Variants in SPIN1 observed in about 807,000 individuals in gnomAD.
SPIN1 encodes spindlin 1, also known as spindlin-1.
In SPIN1, 3 loss-of-function variants were observed where a neutral mutation model predicts 26.0. That is an observed-to-expected ratio of 0.12 (90% CI 0.05 to 0.30). The LOEUF is 0.30. Ranked by LOEUF, SPIN1 falls within the 10% of genes least tolerant of loss-of-function variation. The probability of loss-of-function intolerance (pLI) is 1.00; values close to 1 mark genes in which losing one functional copy is unlikely to be tolerated. For missense variants in SPIN1, 126 were observed against 333.4 expected, an observed-to-expected ratio of 0.38 and a Z score of 4.84; for synonymous variants, 101 against 116.5, an observed-to-expected ratio of 0.87 and a Z score of 0.86.
intron 1 of SPIN1, among the ~76,000 whole-genome samples, chr9:88,403,769 A>G (rs1468514600): frequency 6.6e-6 from 1 of 152,184 alleles, no homozygotes; most frequent in Non-Finnish European, 1.5e-5. Context: ...AGGGGCCAGT[A>G]TTATTAGAGG....
chr9:88,413,579 A>G, intron 1 of SPIN1, among the ~76,000 whole-genome samples: 1 of 151,132 alleles, frequency 6.6e-6, no homozygotes, highest in East Asian at 1.9e-4. Context: ...GGGTTTCACC[A>G]TTTTGGCCAG....
intron 1 of SPIN1, among the ~76,000 whole-genome samples, chr9:88,405,457 G>A (rs748784948): frequency 8.6e-5 from 13 of 151,260 alleles, no homozygotes; most frequent in Non-Finnish European, 1.3e-4. Context: ...CAGTACTCCT[G>A]ACCTCGTGAT....
At chr9:88,436,214 T>C (rs1051907034) in intron 2 of SPIN1, among the ~76,000 whole-genome samples, 1 of 152,100 alleles carries the variant, frequency 6.6e-6, no homozygotes, top group Admixed American at 6.5e-5. Context: ...GGACTACAGG[T>C]GTGCTCCACA....
chr9:88,440,943 GC>G (rs1170604316), intron 2 of SPIN1, among the ~76,000 whole-genome samples: 2 of 147,888 alleles, frequency 1.4e-5, no homozygotes, highest in East Asian at 3.9e-4. Flanking sequence ...AACAAAAAAC[GC>G]CCCCTCCCCA....
chr9:88,456,856 TC>T (rs1389336025), intron 3 of SPIN1, among the ~76,000 whole-genome samples: 2 of 152,082 alleles, frequency 1.3e-5, no homozygotes, highest in African/African-American at 2.4e-5. Flanking sequence ...CCTAAAGAGT[TC>T]CTAGAAGAAT....
chr9:88,411,197 G>C, intron 1 of SPIN1: 1 of 1,266,442 alleles, frequency 7.9e-7, no homozygotes, highest in East Asian at 2.3e-5. Context: ...TGTTGAGACA[G>C]CTCTCTTTGG....
intron 1 of SPIN1, among the ~76,000 whole-genome samples, chr9:88,405,996 C>CT (rs1241120766): frequency 7.8e-6 from 1 of 128,014 alleles, no homozygotes; most frequent in African/African-American, 3.5e-5. Flanking sequence ...CCGTGCCTGG[C>CT]TTGTGTGTCT....
intron 1 of SPIN1, among the ~76,000 whole-genome samples, chr9:88,393,021 C>T (rs1826964483): frequency 6.6e-6 from 1 of 152,004 alleles, no homozygotes; most frequent in Admixed American, 6.6e-5. Flanking sequence ...GGAACCTGCC[C>T]ATGTAGGATC....
intron 1 of SPIN1, among the ~76,000 whole-genome samples, chr9:88,388,903 C>T (rs962486515): frequency 2.3e-4 from 34 of 150,798 alleles, no homozygotes; most frequent in East Asian, 5.9e-4. Flanking sequence ...GGCCGGCGGG[C>T]AGGGGGCGGC....
intron 2 of SPIN1, among the ~76,000 whole-genome samples, chr9:88,443,517 T>C (rs1448316132): frequency 6.6e-6 from 1 of 152,240 alleles, no homozygotes; most frequent in Non-Finnish European, 1.5e-5. Context: ...AAATTCCTGG[T>C]CTGGGTGAAA....
At chr9:88,415,910 ATTTTTTT>A (rs34382784) in intron 1 of SPIN1, among the ~76,000 whole-genome samples, 1 of 131,714 alleles carries the variant, frequency 7.6e-6, no homozygotes, top group Non-Finnish European at 1.6e-5. Flanking sequence ...TGCTCGGCTA[ATTTTTTT>A]TTTTTTTTTT....
intron 1 of SPIN1, among the ~76,000 whole-genome samples, chr9:88,420,176 G>T (rs912302626): frequency 3.3e-5 from 5 of 152,222 alleles, no homozygotes; most frequent in Admixed American, 2.6e-4. Flanking sequence ...GGGAGTTCGA[G>T]ACCAGCCTGA....
chr9:88,443,848 C>T (rs1231878506), intron 2 of SPIN1, among the ~76,000 whole-genome samples: 1 of 152,106 alleles, frequency 6.6e-6, no homozygotes, highest in Non-Finnish European at 1.5e-5. Flanking sequence ...GATCAACTTC[C>T]CCGGCTTGTA....
In SPIN1 at chr9:88,462,692, C is replaced by G; in HGVS notation, c.298C>G (p.Leu100Val). The G allele has an allele frequency of 6.2e-7, 1 of 1,614,058 alleles. No individual in the cohort carries two copies. Among genetic ancestry groups the G allele is most frequent in the Non-Finnish European group, 8.5e-7 (1 of 1,179,994 alleles). Residue 100 changes from leucine (L) to valine (V), a missense_variant, in exon 4 of 6, where the codon CTA (leucine) becomes GTA (valine). This residue lies in a region of SPIN1 where 23 missense variants were observed against 43.0 expected (regional missense o/e 0.54). Coordinates refer to ENST00000375859, the MANE Select transcript of SPIN1 (RefSeq NM_006717.3). ...KYDGFDCVYGLELNKDERVSA... is the reference protein window; with the variant it reads ...KYDGFDCVYGVELNKDERVSA... ...CGATGGATTTGACTGTGTTTATGGA[C>G]TAGAACTTAATAAAGATGAAAGAGT... is the stretch of plus-strand genomic sequence containing the variant.
At chr9:88,390,944 T>C (rs1826908651) in intron 1 of SPIN1, among the ~76,000 whole-genome samples, 1 of 152,210 alleles carries the variant, frequency 6.6e-6, no homozygotes, top group South Asian at 2.1e-4. Flanking sequence ...ACATTGAAGG[T>C]CCTCTTATTG....
chr9:88,449,793 T>C (rs374659548), intron 3 of SPIN1, among the ~76,000 whole-genome samples: 66 of 152,296 alleles, frequency 4.3e-4, no homozygotes, highest in African/African-American at 1.6e-3. Context: ...TTATTAAATA[T>C]GGAGAAGACA....
chr9:88,462,362 G>A, intron 3 of SPIN1, 134 bp from the exon 4 acceptor site: 1 of 1,259,588 alleles, frequency 7.9e-7, no homozygotes, highest in East Asian at 2.4e-5. Flanking sequence ...ACCTGAAGCA[G>A]GAATGTGGCA....
chr9:88,400,844 C>CA (rs754813928), intron 1 of SPIN1, among the ~76,000 whole-genome samples: 3,743 of 99,612 alleles, frequency 0.038, 84 homozygotes, highest in African/African-American at 0.08. Context: ...GACTCCGCCT[C>CA]AAAAAAAAAA....
intron 2 of SPIN1, among the ~76,000 whole-genome samples, chr9:88,444,465 G>C (rs1012818412): frequency 6.6e-6 from 1 of 151,450 alleles, no homozygotes; most frequent in Non-Finnish European, 1.5e-5. Flanking sequence ...GGACAGTCTC[G>C]ATCTCCTGAC....
Sources: allele counts gnomAD v4.1 joint callset (sites outside exome capture counted in the v4.1 genomes callset), GRCh38; gene constraint gnomAD v4.1.1; regional missense constraint gnomAD v4.1.1; transcripts MANE v1.5; gene names NCBI Gene and HGNC (gene_info 2026-07-23, HGNC 2026-07-21).